The following PSIP1 variants were observed in gnomAD, a reference collection of about 807,000 sequenced individuals.
PSIP1 encodes the protein PC4 and SFRS1-interacting protein.
Under a neutral mutation model 74.7 loss-of-function variants are expected in PSIP1, and 19 were observed. The observed-to-expected ratio is 0.25, with a 90% CI of 0.18 to 0.37. The LOEUF (loss-of-function observed/expected upper bound fraction) is 0.37. Ranked by LOEUF, PSIP1 falls within the 10% of genes least tolerant of loss-of-function variation. The pLI is 1.00. For synonymous variants in PSIP1, 222 were observed against 195.3 expected, an observed-to-expected ratio of 1.14 and a Z score of -1.14; for missense variants, 601 against 614.3, an observed-to-expected ratio of 0.98 and a Z score of 0.23.
At chr9:15,472,145 A>G in intron 10 of PSIP1, 3 of 984,440 alleles carry the variant, frequency 3.0e-6, no homozygotes, top group South Asian at 9.4e-5. Flanking sequence ...CACATACATA[A>G]TAATGTACAC....
chr9:15,502,094 G>A (rs1175215114), intron 3 of PSIP1, among the ~76,000 whole-genome samples: 1 of 152,000 alleles, frequency 6.6e-6, no homozygotes, highest in Non-Finnish European at 1.5e-5. Context: ...CTCCTTATAA[G>A]AATCTAAGTA....
rs929174313 is a variant in PSIP1, at chr9:15,492,384, A to G, written c.150-2260T>C. On this transcript the variant is annotated intron_variant, in intron 3 of 15. Transcript: ENST00000380733. ...CTAATAGGGGCAGTCAAGTTCCAAAATGATCTCCTTTGACTGCATGTCTCA... is the reference window on the plus strand; with the variant it reads ...CTAATAGGGGCAGTCAAGTTCCAAAGTGATCTCCTTTGACTGCATGTCTCA... Among the ~76,000 whole-genome samples, 5 of 152,242 alleles carry G rather than the reference A, an allele frequency of 3.3e-5. No homozygotes were observed. The East Asian group carries it at 9.6e-4, about 29-fold the overall frequency.
chr9:15,486,982 A>G (rs1027875131), intron 4 of PSIP1, 51 bp from the exon 5 acceptor site: 1 of 1,166,110 alleles, frequency 8.6e-7, no homozygotes, highest in South Asian at 1.4e-5. Context: ...TTATCCCAAT[A>G]ATATATACAA....
intron 4 of PSIP1, among the ~76,000 whole-genome samples, chr9:15,488,485 T>C (rs1012741413): frequency 6.6e-6 from 1 of 152,178 alleles, no homozygotes; most frequent in Non-Finnish European, 1.5e-5. Flanking sequence ...CCCAATTATC[T>C]TCATAAAGAC....
At chr9:15,482,276 G>A (rs1040118680) in intron 6 of PSIP1, among the ~76,000 whole-genome samples, 1 of 151,858 alleles carries the variant, frequency 6.6e-6, no homozygotes. Flanking sequence ...CCCAGCTGCT[G>A]AAGCCTGCTG....
chr9:15,472,590 C>T, intron 10 of PSIP1, 42 bp downstream of exon 10: 1 of 1,561,196 alleles, frequency 6.4e-7, no homozygotes, highest in Non-Finnish European at 8.6e-7. Flanking sequence ...CCATGCTAGC[C>T]TTTAAAAAGA....
At chr9:15,478,204 G>A (rs923573759) in intron 8 of PSIP1, among the ~76,000 whole-genome samples, 2 of 148,120 alleles carry the variant, frequency 1.4e-5, no homozygotes, top group African/African-American at 5.0e-5. Context: ...ATACCATCTT[G>A]CCCAATTTCT....
At chr9:15,493,360 A>G (rs892449302) in intron 3 of PSIP1, among the ~76,000 whole-genome samples, 1 of 152,150 alleles carries the variant, frequency 6.6e-6, no homozygotes, top group African/African-American at 2.4e-5. Flanking sequence ...TTCATTGGCC[A>G]TATCATTATC....
At chr9:15,496,889 C>T (rs1413842413) in intron 3 of PSIP1, among the ~76,000 whole-genome samples, 1 of 152,026 alleles carries the variant, frequency 6.6e-6, no homozygotes, top group South Asian at 2.1e-4. Flanking sequence ...ACCGTCACTC[C>T]CACTCAGACG....
rs373677052 is a variant in PSIP1 at position 15,469,365 on chromosome 9, G to A, written c.1034-29C>T. 2.8e-6 allele frequency: 4 copies of A among 1,423,844 alleles called. No individual in the cohort carries two copies. In the South Asian group the frequency reaches 5.0e-5, roughly 18 times the overall value. 88.2% of individuals were successfully genotyped at this position (1,423,844 alleles called of 1,614,324 possible). ...CAAATTAAAATATGTGAAAAACAGT[G>A]AACAGTTTTTCCAAAACCAGTATTT... is the stretch of plus-strand genomic sequence containing the variant. On this transcript the variant is annotated intron_variant, in intron 11 of 15. Transcript: ENST00000380733.
At chr9:15,488,903 C>T (rs1280290669) in intron 4 of PSIP1, among the ~76,000 whole-genome samples, 2 of 152,090 alleles carry the variant, frequency 1.3e-5, no homozygotes, top group Non-Finnish European at 2.9e-5. Flanking sequence ...CACCTGTAGT[C>T]CCAGCTACTC....
chr9:15,483,712 C>T (rs2036435364), intron 6 of PSIP1, among the ~76,000 whole-genome samples: 1 of 152,042 alleles, frequency 6.6e-6, no homozygotes, highest in Non-Finnish European at 1.5e-5. Context: ...CAATCCAATC[C>T]CCATCGTTCA....
intron 8 of PSIP1, among the ~76,000 whole-genome samples, chr9:15,475,711 G>T (rs2036046707): frequency 6.6e-6 from 1 of 152,076 alleles, no homozygotes; most frequent in Non-Finnish European, 1.5e-5. Flanking sequence ...TTATTTCAAG[G>T]TGTGAAATAA....
At chr9:15,469,392 T>G in intron 11 of PSIP1, 56 bp from the exon 12 acceptor site, 5 of 1,071,906 alleles carry the variant, frequency 4.7e-6, no homozygotes, top group Non-Finnish European at 6.8e-6. Context: ...CCAGTATTTC[T>G]ATATACAGGC....
At chr9:15,482,562 T>C (rs1436563842) in intron 6 of PSIP1, among the ~76,000 whole-genome samples, 1 of 152,196 alleles carries the variant, frequency 6.6e-6, no homozygotes, top group Non-Finnish European at 1.5e-5. Flanking sequence ...GTTAAGAGAC[T>C]GAAACATCCA....
At chr9:15,507,237 G>T (rs542223680) in intron 2 of PSIP1, among the ~76,000 whole-genome samples, 1 of 152,180 alleles carries the variant, frequency 6.6e-6, no homozygotes, top group Non-Finnish European at 1.5e-5. Context: ...TTTAAATTAT[G>T]TAAGGAAGAA....
intron 10 of PSIP1, chr9:15,472,183 TG>T: frequency 1.0e-6 from 1 of 986,780 alleles, no homozygotes; most frequent in Non-Finnish European, 1.2e-6. Flanking sequence ...TTACTTTTAC[TG>T]GCTTCCTGGG....
Position 15,465,403 on chromosome 9 carries a change from AAAC to A in PSIP1, c.*114_*116del. The stretch of plus-strand genomic sequence containing the variant: ...TAAAACAAAGGGATTTTCTCCCTCA[AAAC>A]AAGTTTTCAACATCAAACCTATGCT... On this transcript the variant is annotated 3_prime_UTR_variant, in exon 16 of 16. Coordinates refer to ENST00000380733, the MANE Select transcript of PSIP1 (RefSeq NM_033222.5). 1 of 902,424 alleles carries A rather than the reference AAAC, an allele frequency of 1.1e-6. No homozygotes were observed. Among genetic ancestry groups the A allele is most frequent in the East Asian group, 2.6e-5 (1 of 38,620 alleles). The allele number at this position is 902,424 out of a possible 1,614,324, so 55.9% of individuals were successfully genotyped here. A position where few individuals can be genotyped will look rare whatever the true frequency, so the allele number is the denominator to read the frequency against.
chr9:15,491,088 ATG>A (rs1354123619), intron 3 of PSIP1, among the ~76,000 whole-genome samples: 6 of 152,228 alleles, frequency 3.9e-5, no homozygotes, highest in African/African-American at 1.4e-4. Context: ...AATTCATTTT[ATG>A]TGTGTTTCTG....
Sources: gnomAD v4.1 joint callset for allele counts (sites outside exome capture counted in the v4.1 genomes callset) on GRCh38, gnomAD v4.1.1 for gene constraint, MANE v1.5 for transcripts, NCBI Gene and HGNC (gene_info 2026-07-23, HGNC 2026-07-21) for gene names.